ATXN1: variants seen among roughly 807,000 people sequenced by gnomAD.
The protein encoded by ATXN1 is ataxin-1.
ATXN1 carries 8 observed loss-of-function variants against 56.4 expected under a neutral mutation model. That is an observed-to-expected ratio of 0.14 (90% CI 0.08 to 0.26). The LOEUF (loss-of-function observed/expected upper bound fraction) is 0.26. Among genes scored for constraint, ATXN1 ranks in the 10% least tolerant of loss-of-function variants. The pLI is 1.00. For synonymous variants in ATXN1, 514 were observed against 494.6 expected (o/e 1.04, Z -0.52); for missense variants, 987 against 1,106.5 (o/e 0.89, Z 1.53).
chr6:16,577,523 C>CAAAAAAA (rs61193572), intron 4 of ATXN1, among the ~76,000 whole-genome samples: 2 of 77,018 alleles, frequency 2.6e-5, no homozygotes, highest in South Asian at 1.0e-3. Context: ...GACTCTGTCT[C>CAAAAAAA]AAAAAAAAAA....
chr6:16,365,910 A>T (rs1217703193), intron 6 of ATXN1, among the ~76,000 whole-genome samples: 3 of 152,178 alleles, frequency 2.0e-5, no homozygotes, highest in Admixed American at 6.5e-5. Flanking sequence ...TAATGGGTCT[A>T]TTCAGAGTCC....
chr6:16,588,458 C>A (rs946770583), intron 3 of ATXN1, among the ~76,000 whole-genome samples: 5 of 152,218 alleles, frequency 3.3e-5, no homozygotes, highest in Non-Finnish European at 7.3e-5. Context: ...AAATCACCCA[C>A]CCCTTCTATC....
chr6:16,479,408 T>C (rs1760390942), intron 6 of ATXN1, among the ~76,000 whole-genome samples: 1 of 152,230 alleles, frequency 6.6e-6, no homozygotes, highest in Non-Finnish European at 1.5e-5. Context: ...CAGTCTACAA[T>C]TCTACTTAGC....
chr6:16,327,017 T>C lies in ATXN1; in HGVS notation c.1294A>G (p.Thr432Ala). 6.2e-7 allele frequency: 1 copy of C among 1,613,908 alleles called. No individual in the cohort carries two copies. The highest frequency in any genetic ancestry group is 1.7e-5 in the Admixed American group (1 of 60,004). Residue 432 changes from threonine to alanine, a missense_variant, in exon 7 of 8, where the codon ACG becomes GCG. Thr to Ala is a moderately conservative substitution (Grantham distance 58, BLOSUM62 0). Transcript: ENST00000436367. ...GCACTGTGTGTGGTCTGAATGACCGTGTGGGGTGAGAGCGCGTAGGACCGG... is the reference window on the plus strand; with the variant it reads ...GCACTGTGTGTGGTCTGAATGACCGCGTGGGGTGAGAGCGCGTAGGACCGG... ...GHRSYALSPH[T>A]VIQTTHSASE... is the part of the protein sequence containing the mutation.
At chr6:16,416,742 T>C (rs1355792885) in intron 6 of ATXN1, among the ~76,000 whole-genome samples, 1 of 152,216 alleles carries the variant, frequency 6.6e-6, no homozygotes, top group Non-Finnish European at 1.5e-5. Flanking sequence ...TTTCACCGCT[T>C]AGTTCATGGT....
At chr6:16,685,690 A>G (rs758052045) in intron 2 of ATXN1, among the ~76,000 whole-genome samples, 2 of 152,228 alleles carry the variant, frequency 1.3e-5, no homozygotes, top group Non-Finnish European at 2.9e-5. Context: ...ATAAAAATGA[A>G]GTACTATCTA....
chr6:16,427,964 T>C (rs1759192370), intron 6 of ATXN1, among the ~76,000 whole-genome samples: 1 of 152,158 alleles, frequency 6.6e-6, no homozygotes, highest in South Asian at 2.1e-4. Context: ...TGCACTCTTT[T>C]ATTATTGAGC....
At chr6:16,383,386 A>G (rs1758173730) in intron 6 of ATXN1, among the ~76,000 whole-genome samples, 1 of 152,048 alleles carries the variant, frequency 6.6e-6, no homozygotes, top group South Asian at 2.1e-4. Flanking sequence ...TATATTTCCT[A>G]TTTTCCTTCT....
Position 16,328,746 on chromosome 6 carries a change from C to CAAAAATA in ATXN1, c.-160-283_-160-277dup, listed in dbSNP as rs1230871040. On this transcript the variant is annotated intron_variant, in intron 6 of 7. Coordinates refer to ENST00000436367, the MANE Select transcript of ATXN1 (RefSeq NM_001128164.2). This position sits in a 1 kb window ranked among gnomAD's most constrained non-coding sequence, Gnocchi z 6.2. ...TAACATGGTGAAACCCCGTCTCTAC[C>CAAAAATA]AAAAATAAAAAATAAAAAACAAATT... Among the ~76,000 whole-genome samples the CAAAAATA allele has an allele frequency of 6.6e-6, 1 of 151,792 alleles. No homozygotes were observed. Among genetic ancestry groups the CAAAAATA allele is most frequent in the East Asian group, 1.9e-4 (1 of 5,184 alleles).
At position 16,327,033 on chromosome 6, in the gene ATXN1, G is replaced by A. The variant is rs778977003; in HGVS notation, c.1278C>T (p.Tyr426=). 18 of 1,614,044 alleles carry A rather than the reference G, an allele frequency of 1.1e-5. No individual in the cohort carries two copies. The highest frequency in any genetic ancestry group is 1.4e-5 in the Non-Finnish European group (17 of 1,180,040). Residue 426 remains tyrosine, a synonymous_variant, in exon 7 of 8, where the codon TAC becomes TAT. Transcript: ENST00000436367. ...LHLGKPGHRS[Y]ALSPHTVIQT... ...GAATGACCGTGTGGGGTGAGAGCGC[G>A]TAGGACCGGTGGCCAGGCTTCCCTA...
chr6:16,423,424 G>A (rs1349432518), intron 6 of ATXN1, among the ~76,000 whole-genome samples: 1 of 152,160 alleles, frequency 6.6e-6, no homozygotes, highest in Non-Finnish European at 1.5e-5. Context: ...TAATTACAAG[G>A]AATGCTAGCT....
chr6:16,679,193 T>C (rs1020441030), intron 2 of ATXN1, among the ~76,000 whole-genome samples: 89 of 143,652 alleles, frequency 6.2e-4, no homozygotes, highest in African/African-American at 2.2e-3. Context: ...GATGAATGGA[T>C]GGGTGGGTGG....
chr6:16,724,794 C>CAA (rs1759815246), intron 2 of ATXN1, among the ~76,000 whole-genome samples: 1 of 151,718 alleles, frequency 6.6e-6, no homozygotes, highest in Non-Finnish European at 1.5e-5. Context: ...TGTCATGACT[C>CAA]AGAGGCTTTA....
intron 6 of ATXN1, among the ~76,000 whole-genome samples, chr6:16,472,102 G>A (rs1418884671): frequency 6.6e-6 from 1 of 152,204 alleles, no homozygotes; most frequent in Non-Finnish European, 1.5e-5. Flanking sequence ...AAGTGCAGAT[G>A]AGTAAGAAAA....
intron 6 of ATXN1, among the ~76,000 whole-genome samples, chr6:16,468,942 G>T (rs1391240342): frequency 6.6e-6 from 1 of 152,014 alleles, no homozygotes; most frequent in Non-Finnish European, 1.5e-5. Flanking sequence ...TATTTCAGAG[G>T]TTGATCCACT....
chr6:16,679,231 G>A (rs1471126623), intron 2 of ATXN1, among the ~76,000 whole-genome samples: 1 of 132,982 alleles, frequency 7.5e-6, no homozygotes, highest in Middle Eastern at 3.5e-3. Context: ...AGGATGAATA[G>A]ATGGATGGAT....
At chr6:16,386,863 G>A (rs989217948) in intron 6 of ATXN1, among the ~76,000 whole-genome samples, 1 of 152,058 alleles carries the variant, frequency 6.6e-6, no homozygotes, top group Non-Finnish European at 1.5e-5. Context: ...AAGGAGACGG[G>A]GTTTCACTAT....
intron 7 of ATXN1, among the ~76,000 whole-genome samples, chr6:16,307,705 T>C (rs1338882709): frequency 6.7e-6 from 1 of 149,510 alleles, no homozygotes; most frequent in African/African-American, 2.5e-5. Context: ...CAATTTCCAA[T>C]GTCCTTTCTA....
intron 6 of ATXN1, among the ~76,000 whole-genome samples, chr6:16,357,397 G>C (rs1055237776): frequency 1.3e-5 from 2 of 152,016 alleles, no homozygotes; most frequent in African/African-American, 4.8e-5. Flanking sequence ...AGCCTCCTGA[G>C]TAGCTGGGAC....
Sources: gnomAD v4.1 joint callset for allele counts (sites outside exome capture counted in the v4.1 genomes callset) on GRCh38, gnomAD v4.1.1 for gene constraint, Gnocchi (gnomAD v3.1) non-coding constraint, MANE v1.5 for transcripts, NCBI Gene and HGNC (gene_info 2026-07-23, HGNC 2026-07-21) for gene names.